RUNX2: variants seen among roughly 807,000 people sequenced by gnomAD.
RUNX2 encodes the protein RUNX family transcription factor 2, also known as runt-related transcription factor 2.
In RUNX2, 10 loss-of-function variants were observed where a neutral mutation model predicts 51.7. That is an observed-to-expected ratio of 0.19 (90% CI 0.12 to 0.33). The LOEUF (loss-of-function observed/expected upper bound fraction) is 0.33. Ranked by LOEUF, RUNX2 falls within the 10% of genes least tolerant of loss-of-function variation. RUNX2 has a pLI of 1.00. For missense variants in RUNX2, 562 were observed against 691.3 expected (o/e 0.81, Z 2.10); for synonymous variants, 276 against 273.6 (o/e 1.01, Z -0.09).
chr6:45,352,086 G>A (rs1362976963), intron 2 of RUNX2, among the ~76,000 whole-genome samples: 1 of 152,128 alleles, frequency 6.6e-6, no homozygotes, highest in East Asian at 1.9e-4. Flanking sequence ...TGGTAATTAG[G>A]CATAGCTGAA....
Position 45,502,476 on chromosome 6 carries a change from A to C in RUNX2, c.860-9770A>C, listed in dbSNP as rs1800824765. 3.9e-5 allele frequency among the ~76,000 whole-genome samples: 6 copies of C among 152,268 alleles called. No individual in the cohort carries two copies. In the South Asian group the frequency reaches 1.2e-3, roughly 32 times the overall value. On this transcript the variant is annotated intron_variant, in intron 6 of 8. Transcript: ENST00000647337. ...TTCTACCGCTGAATTAGAAGGTGTG[A>C]GGTGGAGCCGGCCCAAATCACTCCC...
intron 2 of RUNX2, among the ~76,000 whole-genome samples, chr6:45,338,832 T>C: frequency 6.6e-6 from 1 of 152,076 alleles, no homozygotes; most frequent in Non-Finnish European, 1.5e-5. Flanking sequence ...GCACAAAATT[T>C]AAGGAGGTAC....
intron 2 of RUNX2, among the ~76,000 whole-genome samples, chr6:45,343,274 C>T (rs1581736496): frequency 6.6e-6 from 1 of 152,068 alleles, no homozygotes; most frequent in East Asian, 1.9e-4. Flanking sequence ...CTTTGGGAGG[C>T]CGAGGCGGGC....
chr6:45,338,064 A>C (rs1323882104), intron 2 of RUNX2, among the ~76,000 whole-genome samples: 1 of 152,010 alleles, frequency 6.6e-6, no homozygotes, highest in Non-Finnish European at 1.5e-5. Flanking sequence ...TTATTGAATA[A>C]ACTTAAGTTG....
chr6:45,439,609 C>T (rs774511536), intron 5 of RUNX2, among the ~76,000 whole-genome samples: 2 of 152,158 alleles, frequency 1.3e-5, no homozygotes, highest in African/African-American at 2.4e-5. Flanking sequence ...AAGATATTTC[C>T]TGCTGATCTC....
chr6:45,472,016 A>C (rs1457169792), intron 5 of RUNX2, among the ~76,000 whole-genome samples: 1 of 152,188 alleles, frequency 6.6e-6, no homozygotes, highest in Non-Finnish European at 1.5e-5. Flanking sequence ...TGATGAATGA[A>C]GGTAAGTGGG....
At chr6:45,511,040 T>G (rs1411098303) in intron 6 of RUNX2, among the ~76,000 whole-genome samples, 1 of 152,220 alleles carries the variant, frequency 6.6e-6, no homozygotes, top group Non-Finnish European at 1.5e-5. Context: ...TCTATTAGAA[T>G]TTTAAAAATT....
chr6:45,340,544 G>C (rs141420221), intron 2 of RUNX2, among the ~76,000 whole-genome samples: 65 of 151,904 alleles, frequency 4.3e-4, no homozygotes, highest in Admixed American at 4.1e-3. Flanking sequence ...GGCTGGTCTC[G>C]AACTACTGGG....
chr6:45,510,272 A>G (rs2150419644), intron 6 of RUNX2, among the ~76,000 whole-genome samples: 1 of 152,358 alleles, frequency 6.6e-6, no homozygotes, highest in East Asian at 1.9e-4. Context: ...AAAGTTTGTT[A>G]ACCACTTATA....
intron 2 of RUNX2, among the ~76,000 whole-genome samples, chr6:45,409,577 T>A (rs1304309055): frequency 6.6e-6 from 1 of 152,212 alleles, no homozygotes; most frequent in Non-Finnish European, 1.5e-5. Context: ...AATGCCAAAC[T>A]ATTATTTCGA....
At chr6:45,424,175 G>A (rs1156489037) in intron 3 of RUNX2, among the ~76,000 whole-genome samples, 3 of 152,216 alleles carry the variant, frequency 2.0e-5, no homozygotes, top group Admixed American at 2.0e-4. Context: ...GCAGCCGCGG[G>A]AGTCGCAGGC....
chr6:45,344,080 C>T (rs2150148658), intron 2 of RUNX2, among the ~76,000 whole-genome samples: 1 of 152,144 alleles, frequency 6.6e-6, no homozygotes, highest in Middle Eastern at 3.4e-3. Flanking sequence ...GAAAAATTGT[C>T]AAACTAAAGA....
intron 2 of RUNX2, among the ~76,000 whole-genome samples, chr6:45,340,038 G>A (rs538307789): frequency 6.6e-6 from 1 of 152,262 alleles, no homozygotes; most frequent in African/African-American, 2.4e-5. Context: ...GAAGAGATGG[G>A]ATTCCAACCC....
intron 2 of RUNX2, among the ~76,000 whole-genome samples, chr6:45,359,594 CA>C (rs1400436629): frequency 1.3e-5 from 2 of 151,822 alleles, no homozygotes; most frequent in Admixed American, 1.3e-4. Context: ...CATTTGTATC[CA>C]AAATTATGAA....
intron 6 of RUNX2, among the ~76,000 whole-genome samples, chr6:45,511,528 A>G (rs1801149195): frequency 6.6e-6 from 1 of 152,194 alleles, no homozygotes; most frequent in African/African-American, 2.4e-5. Flanking sequence ...TGACTTTGAA[A>G]TTAAATTTTT....
intron 7 of RUNX2, among the ~76,000 whole-genome samples, chr6:45,518,831 T>G (rs1801413240): frequency 6.6e-6 from 1 of 152,202 alleles, no homozygotes; most frequent in African/African-American, 2.4e-5. Context: ...CTTGAGTGTA[T>G]GAACCTCATT....
chr6:45,369,425 ATTACT>A (rs1289558780), intron 2 of RUNX2, among the ~76,000 whole-genome samples: 9 of 152,276 alleles, frequency 5.9e-5, no homozygotes, highest in African/African-American at 1.9e-4. Context: ...TTAATATTAA[ATTACT>A]TTAGTGCATA....
intron 7 of RUNX2, among the ~76,000 whole-genome samples, chr6:45,527,163 T>TG (rs1321694851): frequency 6.6e-6 from 1 of 151,846 alleles, no homozygotes; most frequent in Non-Finnish European, 1.5e-5. Context: ...GGCCCAGAGG[T>TG]GGGAAGACTG....
At chr6:45,448,182 G>A (rs910936801) in intron 5 of RUNX2, among the ~76,000 whole-genome samples, 62 of 152,136 alleles carry the variant, frequency 4.1e-4, no homozygotes, top group African/African-American at 1.4e-3. Context: ...GAAAGCAAAC[G>A]GGGAGGAAAT....
Sources: allele counts gnomAD v4.1 joint callset (sites outside exome capture counted in the v4.1 genomes callset), GRCh38; gene constraint gnomAD v4.1.1; transcripts MANE v1.5; gene names NCBI Gene and HGNC (gene_info 2026-07-23, HGNC 2026-07-21).